Variants in PRKCH observed in about 807,000 individuals in gnomAD.
The protein encoded by PRKCH is protein kinase C eta.
Under a neutral mutation model 82.5 loss-of-function variants are expected in PRKCH, and 28 were observed. The ratio of observed to expected loss-of-function variants is 0.34; its 90% CI spans 0.25 to 0.47. The LOEUF (loss-of-function observed/expected upper bound fraction) is 0.47, where lower values mean the gene tolerates loss of function less well. PRKCH is among the 20% of genes least tolerant of loss of function. The probability of loss-of-function intolerance (pLI) is 1.00; values close to 1 mark genes in which losing one functional copy is unlikely to be tolerated. For missense variants in PRKCH, 705 were observed against 881.8 expected (o/e 0.80, Z 2.54); for synonymous variants, 322 against 327.4 (o/e 0.98, Z 0.18).
chr14:61,222,518 A>G (rs1021200156), intron 1 of PRKCH, among the ~76,000 whole-genome samples: 5 of 152,240 alleles, frequency 3.3e-5, no homozygotes, highest in Admixed American at 2.6e-4. Flanking sequence ...ATATTTGCAC[A>G]AAAACACTGT....
intron 1 of PRKCH, among the ~76,000 whole-genome samples, chr14:61,189,263 T>A (rs2044391655): frequency 6.6e-6 from 1 of 152,214 alleles, no homozygotes; most frequent in South Asian, 2.1e-4. Context: ...CTGACCTTAC[T>A]GAGATTTCTC....
upstream of PRKCH, among the ~76,000 whole-genome samples, chr14:61,321,556 G>A (rs886144663): frequency 1.3e-5 from 2 of 152,178 alleles, no homozygotes; most frequent in African/African-American, 4.8e-5. This position sits in a 1 kb window ranked among gnomAD's most constrained non-coding sequence, Gnocchi z 4.1. Flanking sequence ...TCCGGAAGGC[G>A]CGGGAGCGGA....
At chr14:61,192,255 G>A (rs1463724846) in intron 1 of PRKCH, among the ~76,000 whole-genome samples, 2 of 152,090 alleles carry the variant, frequency 1.3e-5, no homozygotes, top group Non-Finnish European at 2.9e-5. Flanking sequence ...GATACTCCCA[G>A]ACTAGATTAA....
At chr14:61,337,138 CA>C (rs2045868594) in intron 1 of PRKCH, among the ~76,000 whole-genome samples, 1 of 87,538 alleles carries the variant, frequency 1.1e-5, no homozygotes, top group Non-Finnish European at 2.1e-5. Flanking sequence ...AGGACACCAA[CA>C]ATTTTTTTTT....
In PRKCH at chr14:61,446,818, T is replaced by G. The variant is rs556913482; in HGVS notation, c.613+1092T>G. Among the ~76,000 whole-genome samples the G allele has an allele frequency of 2.0e-5, 3 of 152,376 alleles. No homozygotes were observed. The South Asian group carries it at 6.2e-4, about 32-fold the overall frequency. On this transcript the variant is annotated intron_variant, in intron 4 of 13. Transcript: ENST00000332981. ...GTAGCCCATCTTATGCACACCAAGATAAGTTGAGAAGCTCTGGATAAACAA... is the reference window on the plus strand; with the variant it reads ...GTAGCCCATCTTATGCACACCAAGAGAAGTTGAGAAGCTCTGGATAAACAA...
At chr14:61,510,913 A>G (rs572543461) in intron 10 of PRKCH, among the ~76,000 whole-genome samples, 1 of 152,114 alleles carries the variant, frequency 6.6e-6, no homozygotes, top group Non-Finnish European at 1.5e-5. Flanking sequence ...ATGGTGTGGC[A>G]GGAATGCTGG....
intron 1 of PRKCH, among the ~76,000 whole-genome samples, chr14:61,358,198 G>T (rs1179759108): frequency 6.6e-6 from 1 of 152,072 alleles, no homozygotes. Context: ...TTAAAATGGG[G>T]ATAAAAATAC....
chr14:61,207,105 T>A (rs1230821084), intron 1 of PRKCH, among the ~76,000 whole-genome samples: 1 of 19,478 alleles, frequency 5.1e-5, no homozygotes. Context: ...AAACTCCATC[T>A]CAAAAAAAAA....
chr14:61,340,443 A>G (rs976353420), intron 1 of PRKCH, among the ~76,000 whole-genome samples: 5 of 152,088 alleles, frequency 3.3e-5, no homozygotes, highest in South Asian at 2.1e-4. Context: ...GTCATGGCGC[A>G]TGGTCTCGTC....
chr14:61,392,006 T>C (rs1163142511), intron 2 of PRKCH, among the ~76,000 whole-genome samples: 1 of 152,226 alleles, frequency 6.6e-6, no homozygotes, highest in Non-Finnish European at 1.5e-5. Context: ...CATGGAATTA[T>C]ACAGTATATT....
intron 1 of PRKCH, among the ~76,000 whole-genome samples, chr14:61,339,622 C>CTTTT (rs757220300): frequency 2.7e-3 from 160 of 59,974 alleles, no homozygotes; most frequent in Middle Eastern, 0.025. Context: ...CAAGCCCGGC[C>CTTTT]TTTTTTTTTT....
intron 1 of PRKCH, among the ~76,000 whole-genome samples, chr14:61,219,898 G>T (rs1238545761): frequency 6.6e-6 from 1 of 152,194 alleles, no homozygotes; most frequent in East Asian, 1.9e-4. Context: ...GGAGTCAGAA[G>T]GCTCAAGGAG....
rs2043031529 is a variant in PRKCH, at chr14:61,530,417, A to C, written c.1583A>C (p.Glu528Ala). The part of the protein sequence containing the change: ...PDYIAPEILQ[E>A]MLYGPAVDWW... ...GCCCCCTTTGCACAGATCCTCCAGGAAATGCTGTACGGGCCTGCAGTAGAC... is the reference window on the plus strand; with the variant it reads ...GCCCCCTTTGCACAGATCCTCCAGGCAATGCTGTACGGGCCTGCAGTAGAC... The change falls in exon 12 of 14, where the codon GAA (glutamate) becomes GCA (alanine). Residue 528 changes from glutamate to alanine, a missense_variant. Glu to Ala is a moderately radical substitution (Grantham distance 107). Transcript: ENST00000332981. 3.1e-6 allele frequency: 5 copies of C among 1,588,942 alleles called. No homozygotes were observed. Among genetic ancestry groups the C allele is most frequent in the Non-Finnish European group, 4.3e-6 (5 of 1,165,658 alleles).
At chr14:61,543,400 G>C (rs2043212496) in intron 12 of PRKCH, 1 of 152,148 alleles carries the variant, frequency 6.6e-6, no homozygotes, top group Non-Finnish European at 1.5e-5. Flanking sequence ...CATAAAATGA[G>C]TCCCTGAGTT....
intron 10 of PRKCH, among the ~76,000 whole-genome samples, chr14:61,501,672 A>C (rs1594767055): frequency 6.6e-6 from 1 of 152,268 alleles, no homozygotes; most frequent in Non-Finnish European, 1.5e-5. Flanking sequence ...GTGGGGAGTA[A>C]GTGATGAGAA....
Position 61,280,421 on chromosome 14 carries a change from T to C in PRKCH, c.-19+92753T>C. On this transcript the variant is annotated intron_variant, in intron 1 of 3. Coordinates refer to the PRKCH transcript ENST00000555185. This position sits in a 1 kb window ranked among gnomAD's most constrained non-coding sequence, Gnocchi z 5.0. ...ACGAAGTCCTGATTGATGAAGCCGG[T>C]GTTGTTGGGGTCGGGGCTGAGCTCG... 1 of 1,613,744 alleles carries C rather than the reference T, an allele frequency of 6.2e-7. No homozygotes were observed. Among genetic ancestry groups the C allele is most frequent in the African/African-American group, 1.3e-5 (1 of 74,998 alleles).
chr14:61,457,115 G>A (rs751088976), intron 7 of PRKCH, 61 bp from the exon 8 acceptor site: 361 of 1,572,588 alleles, frequency 2.3e-4, no homozygotes, highest in Non-Finnish European at 2.8e-4. Context: ...GGTCTTCTTC[G>A]TGCATGGGTG....
intron 1 of PRKCH, chr14:61,279,779 T>G: frequency 1.3e-5 from 4 of 315,548 alleles, no homozygotes; most frequent in South Asian, 5.4e-5. Context: ...CTAATAGGGG[T>G]TTAATAGGAG....
chr14:61,487,780 C>A (rs1393624099), intron 10 of PRKCH, among the ~76,000 whole-genome samples: 2 of 151,368 alleles, frequency 1.3e-5, no homozygotes, highest in African/African-American at 4.9e-5. Context: ...ATCGCTTGAG[C>A]CTGGAAGTTT....
Sources: allele counts gnomAD v4.1 joint callset (sites outside exome capture counted in the v4.1 genomes callset), GRCh38; gene constraint gnomAD v4.1.1; non-coding constraint Gnocchi (gnomAD v3.1); transcripts MANE v1.5; gene names NCBI Gene and HGNC (gene_info 2026-07-23, HGNC 2026-07-21).